Variants in GABRB3 observed in about 807,000 individuals in gnomAD.
GABRB3 encodes the protein gamma-aminobutyric acid type A receptor subunit beta3.
Under a neutral mutation model 52.1 loss-of-function variants are expected in GABRB3, and 14 were observed. The ratio of observed to expected loss-of-function variants is 0.27; its 90% CI spans 0.18 to 0.42. The LOEUF (loss-of-function observed/expected upper bound fraction) is 0.42. Ranked by LOEUF, GABRB3 falls within the 10% of genes least tolerant of loss-of-function variation. The probability of loss-of-function intolerance (pLI) is 1.00; values close to 1 mark genes in which losing one functional copy is unlikely to be tolerated. For synonymous variants in GABRB3, 260 were observed against 232.3 expected (o/e 1.12, Z -1.08); for missense variants, 307 against 609.1 (o/e 0.50, Z 5.22).
chr15:26,601,013 T>G (rs1031773974), intron 4 of GABRB3, among the ~76,000 whole-genome samples: 7 of 152,160 alleles, frequency 4.6e-5, no homozygotes, highest in African/African-American at 1.7e-4. Flanking sequence ...TACAGTCGTA[T>G]GTAATCAAAA....
At chr15:26,744,773 C>A (rs571954485) in intron 3 of GABRB3, among the ~76,000 whole-genome samples, 1 of 151,300 alleles carries the variant, frequency 6.6e-6, no homozygotes, top group Admixed American at 6.7e-5. Flanking sequence ...ATCAAACTCA[C>A]GACATCAAAA....
chr15:26,697,408 C>A (rs1888775560), intron 3 of GABRB3, among the ~76,000 whole-genome samples: 2 of 152,134 alleles, frequency 1.3e-5, no homozygotes, highest in African/African-American at 2.4e-5. Flanking sequence ...TCTATCAGCA[C>A]AATCTGTTCA....
At chr15:26,707,197 C>G (rs1889131282) in intron 3 of GABRB3, among the ~76,000 whole-genome samples, 1 of 152,102 alleles carries the variant, frequency 6.6e-6, no homozygotes, top group Admixed American at 6.5e-5. Flanking sequence ...GCACTGAGCA[C>G]TGTGGATAAG....
chr15:26,635,716 T>C (rs1313578583), intron 3 of GABRB3, among the ~76,000 whole-genome samples: 1 of 152,214 alleles, frequency 6.6e-6, no homozygotes, highest in Non-Finnish European at 1.5e-5. Context: ...TCAATTGCCC[T>C]TTGATTTCAT....
At chr15:26,708,749 A>G (rs1227137029) in intron 3 of GABRB3, among the ~76,000 whole-genome samples, 1 of 152,174 alleles carries the variant, frequency 6.6e-6, no homozygotes. Flanking sequence ...CCAAACTCCA[A>G]GGCTATCAGA....
intron 3 of GABRB3, among the ~76,000 whole-genome samples, chr15:26,635,562 G>A (rs1349625947): frequency 6.6e-6 from 1 of 152,132 alleles, no homozygotes; most frequent in African/African-American, 2.4e-5. Context: ...TTATTTATCA[G>A]GAGGAATAAT....
intron 3 of GABRB3, among the ~76,000 whole-genome samples, chr15:26,647,395 T>C (rs1469754995): frequency 6.6e-6 from 1 of 152,222 alleles, no homozygotes; most frequent in Non-Finnish European, 1.5e-5. Context: ...TCACTTGGGC[T>C]TTTGAAGTCA....
intron 3 of GABRB3, among the ~76,000 whole-genome samples, chr15:26,755,603 A>C (rs904563516): frequency 2.6e-5 from 4 of 152,178 alleles, no homozygotes; most frequent in Non-Finnish European, 5.9e-5. Flanking sequence ...TTGCATTCTA[A>C]TGTTTTTTGG....
At chr15:26,578,755 C>T (rs1469735916) in intron 6 of GABRB3, among the ~76,000 whole-genome samples, 3 of 152,232 alleles carry the variant, frequency 2.0e-5, no homozygotes, top group African/African-American at 7.2e-5. Context: ...AGTGTGCTAG[C>T]CTCTGTTCTG....
chr15:26,641,340 G>T (rs1012345395), intron 3 of GABRB3, among the ~76,000 whole-genome samples: 1 of 152,210 alleles, frequency 6.6e-6, no homozygotes, highest in African/African-American at 2.4e-5. Flanking sequence ...TGCAGAGAAG[G>T]CTTGCTTCAG....
intron 7 of GABRB3, among the ~76,000 whole-genome samples, chr15:26,563,384 C>T (rs896399970): frequency 1.8e-4 from 27 of 152,062 alleles, no homozygotes; most frequent in African/African-American, 6.5e-4. Flanking sequence ...AGTTTGGACC[C>T]ACATGCCACA....
At chr15:26,696,391 TA>T (rs1888741108) in intron 3 of GABRB3, among the ~76,000 whole-genome samples, 3 of 152,156 alleles carry the variant, frequency 2.0e-5, no homozygotes, top group Non-Finnish European at 4.4e-5. Context: ...CTGTTATTAT[TA>T]TTATCATTCA....
chr15:26,757,366 G>A (rs144204163), intron 3 of GABRB3, among the ~76,000 whole-genome samples: 22 of 152,190 alleles, frequency 1.4e-4, no homozygotes, highest in Admixed American at 5.2e-4. Context: ...TGCCTGGCGC[G>A]CTCCATTGCT....
At chr15:26,569,082 G>A (rs1890297016) in intron 6 of GABRB3, among the ~76,000 whole-genome samples, 4 of 152,090 alleles carry the variant, frequency 2.6e-5, no homozygotes, top group Admixed American at 2.0e-4. Context: ...CTCCAAGCCT[G>A]GCAGGCTCCT....
At chr15:26,651,378 T>A (rs541159602) in intron 3 of GABRB3, among the ~76,000 whole-genome samples, 35 of 152,332 alleles carry the variant, frequency 2.3e-4, no homozygotes, top group Non-Finnish European at 4.7e-4. Flanking sequence ...CTGCATCAAT[T>A]TAACTTCAGC....
At chr15:26,604,919 G>A (rs1446245367) in intron 4 of GABRB3, among the ~76,000 whole-genome samples, 2 of 152,028 alleles carry the variant, frequency 1.3e-5, no homozygotes. Context: ...GGACAAATGG[G>A]ATCACATCAA....
chr15:26,554,016 A>G (rs1231694620), intron 8 of GABRB3, among the ~76,000 whole-genome samples: 1 of 29,010 alleles, frequency 3.4e-5, no homozygotes, highest in Non-Finnish European at 7.0e-5. Context: ...CTGACACCTG[A>G]CTATTTATAT....
intron 3 of GABRB3, among the ~76,000 whole-genome samples, chr15:26,652,823 A>G (rs922910864): frequency 6.6e-6 from 1 of 152,198 alleles, no homozygotes; most frequent in Non-Finnish European, 1.5e-5. Context: ...TTCTATCTCC[A>G]GAATACAGGA....
At chr15:26,618,057 G>C (rs1351044719) in intron 4 of GABRB3, among the ~76,000 whole-genome samples, 22 of 152,122 alleles carry the variant, frequency 1.4e-4, no homozygotes, top group Admixed American at 1.4e-3. Flanking sequence ...TCATGGGCAG[G>C]AAGAATCAGT....
Sources: allele counts gnomAD v4.1 joint callset (sites outside exome capture counted in the v4.1 genomes callset), GRCh38; gene constraint gnomAD v4.1.1; transcripts MANE v1.5; gene names NCBI Gene and HGNC (gene_info 2026-07-23, HGNC 2026-07-21).